Variants in FNIP2 observed in about 807,000 individuals in gnomAD.
The protein encoded by FNIP2 is folliculin interacting protein 2.
Under a neutral mutation model 108.7 loss-of-function variants are expected in FNIP2, and 32 were observed. That is an observed-to-expected ratio of 0.29 (90% CI 0.22 to 0.40). The LOEUF is 0.40. Ranked by LOEUF, FNIP2 falls within the 10% of genes least tolerant of loss-of-function variation. The probability of loss-of-function intolerance (pLI) is 1.00; values close to 1 mark genes in which losing one functional copy is unlikely to be tolerated. For missense variants in FNIP2, 1,202 were observed against 1,381.6 expected (o/e 0.87, Z 2.06); for synonymous variants, 480 against 496.7 (o/e 0.97, Z 0.45).
At chr4:158,882,806 C>A (rs951942040) in intron 14 of FNIP2, among the ~76,000 whole-genome samples, 1 of 152,114 alleles carries the variant, frequency 6.6e-6, no homozygotes, top group Admixed American at 6.5e-5. Flanking sequence ...CAGCATGCTC[C>A]TTAAGAGTCA....
At chr4:158,883,030 C>G (rs1031287238) in intron 14 of FNIP2, among the ~76,000 whole-genome samples, 1 of 150,770 alleles carries the variant, frequency 6.6e-6, no homozygotes, top group Non-Finnish European at 1.5e-5. Context: ...ATATATTACT[C>G]ATTTATTAAT....
chr4:158,882,401 A>T (rs1240663432), intron 14 of FNIP2, among the ~76,000 whole-genome samples: 2 of 138,826 alleles, frequency 1.4e-5, no homozygotes, highest in African/African-American at 5.5e-5. Context: ...CCGCCCGGCC[A>T]CCACCCCGTC....
chr4:158,822,948 TTTA>T (rs1304744821), intron 1 of FNIP2, among the ~76,000 whole-genome samples: 4 of 152,248 alleles, frequency 2.6e-5, no homozygotes, highest in African/African-American at 9.6e-5. Flanking sequence ...GTCCATGATT[TTTA>T]TTTCCATCCT....
At chr4:158,786,529 G>T (rs755761751) in intron 1 of FNIP2, among the ~76,000 whole-genome samples, 15 of 152,300 alleles carry the variant, frequency 9.8e-5, no homozygotes, top group Non-Finnish European at 1.9e-4. Context: ...GCTGCCAGAA[G>T]CTCATTCCTT....
At chr4:158,791,804 G>T (rs918176660) in intron 1 of FNIP2, among the ~76,000 whole-genome samples, 3 of 152,074 alleles carry the variant, frequency 2.0e-5, no homozygotes, top group African/African-American at 7.2e-5. Context: ...CAGTCTGAGG[G>T]TTATATACAT....
chr4:158,789,434 T>C (rs201859356), intron 1 of FNIP2, among the ~76,000 whole-genome samples: 2 of 152,218 alleles, frequency 1.3e-5, no homozygotes, highest in Non-Finnish European at 2.9e-5. Flanking sequence ...ATAATGGCTG[T>C]AAGTTAACCT....
chr4:158,858,335 A>G (rs1780103186), intron 8 of FNIP2, among the ~76,000 whole-genome samples: 1 of 152,228 alleles, frequency 6.6e-6, no homozygotes, highest in African/African-American at 2.4e-5. Flanking sequence ...GCTATTTGGT[A>G]GCTACACTGG....
At chr4:158,813,480 C>T (rs757213720) in intron 1 of FNIP2, among the ~76,000 whole-genome samples, 2 of 152,178 alleles carry the variant, frequency 1.3e-5, no homozygotes, top group Non-Finnish European at 2.9e-5. Flanking sequence ...TTTGTATTAT[C>T]GTTGGTGAGG....
intron 16 of FNIP2, among the ~76,000 whole-genome samples, chr4:158,904,011 A>G (rs1729595538): frequency 6.6e-6 from 1 of 152,212 alleles, no homozygotes; most frequent in South Asian, 2.1e-4. Flanking sequence ...ACAAATTCCC[A>G]ATGTTTTTTA....
At chr4:158,899,090 A>C (rs1782961619) in intron 16 of FNIP2, among the ~76,000 whole-genome samples, 1 of 152,122 alleles carries the variant, frequency 6.6e-6, no homozygotes. Flanking sequence ...TTCTGCATCT[A>C]TTGAGATGAG....
At chr4:158,882,462 GC>G (rs994661708) in intron 14 of FNIP2, among the ~76,000 whole-genome samples, 8 of 152,154 alleles carry the variant, frequency 5.3e-5, no homozygotes, top group African/African-American at 9.7e-5. Flanking sequence ...GGAGTGAGGA[GC>G]CCCTCTGCCT....
intron 15 of FNIP2, chr4:158,893,733 T>G: frequency 6.5e-7 from 1 of 1,550,372 alleles, no homozygotes; most frequent in South Asian, 1.2e-5. Flanking sequence ...AGAGAAGTAA[T>G]GTATATTAGA....
intron 14 of FNIP2, among the ~76,000 whole-genome samples, chr4:158,877,616 G>T (rs1265408752): frequency 1.3e-4 from 20 of 152,210 alleles, no homozygotes. Flanking sequence ...AATCTCCAGT[G>T]GTGGCACTTC....
In FNIP2 at chr4:158,792,697, A is replaced by C. The variant is rs1459398104; in HGVS notation, c.107+23378A>C. ...TAACCCTTTATTTCCCCCTAGAAGC[A>C]GTGGTTCGGTATTCACTAATTCAGT... On this transcript the variant is annotated intron_variant, in intron 1 of 16. Transcript: ENST00000264433. Among the ~76,000 whole-genome samples, 10 of 152,198 alleles carry C rather than the reference A, an allele frequency of 6.6e-5. No individual in the cohort carries two copies. The East Asian group carries it at 1.9e-3, about 29-fold the overall frequency.
At chr4:158,843,542 A>G (rs575870293) in intron 7 of FNIP2, among the ~76,000 whole-genome samples, 2 of 152,356 alleles carry the variant, frequency 1.3e-5, no homozygotes, top group East Asian at 1.9e-4. Context: ...AATAGACAAT[A>G]AAATGTAGGC....
At chr4:158,902,681 C>A (rs1729437808) in intron 16 of FNIP2, among the ~76,000 whole-genome samples, 1 of 152,210 alleles carries the variant, frequency 6.6e-6, no homozygotes, top group South Asian at 2.1e-4. Context: ...AGATGCCCTG[C>A]CCAGAGAGGA....
intron 1 of FNIP2, among the ~76,000 whole-genome samples, chr4:158,783,903 C>T (rs1342323236): frequency 1.3e-5 from 2 of 152,064 alleles, no homozygotes; most frequent in African/African-American, 4.8e-5. Context: ...GGGACCTAAC[C>T]GGTATGGATG....
intron 1 of FNIP2, among the ~76,000 whole-genome samples, chr4:158,778,526 A>G (rs545966322): frequency 1.3e-3 from 200 of 152,306 alleles, no homozygotes; most frequent in Middle Eastern, 6.8e-3. Context: ...CATCTCAAGG[A>G]GAAGGAGGGT....
rs766116457 is a variant in FNIP2 at position 158,831,886 on chromosome 4, A to G, written c.407A>G (p.Asn136Ser). ...TACACAAGACCAGCTTCCGATGTCA[A>G]CATGTTAGGGGAAATGATGTTTGGC... ...YQYTRPASDV[N>S]MLGEMMFGSV... is the part of the protein sequence containing the mutation. The change falls in exon 4 of 17, where the codon AAC becomes AGC. Residue 136 changes from asparagine to serine, a missense_variant. Physicochemically the swap from Asn to Ser is conservative, Grantham distance 46 (BLOSUM62 1). Around this residue, in one of 5 missense-constraint regions of FNIP2, gnomAD observed 173 missense variants for 165.9 expected, o/e 1.04. Transcript: ENST00000264433. The G allele has an allele frequency of 2.5e-6, 4 of 1,612,064 alleles. No individual in the cohort carries two copies. The highest frequency in any genetic ancestry group is 3.4e-6 in the Non-Finnish European group (4 of 1,178,992).
Sources: gnomAD v4.1 joint callset for allele counts (sites outside exome capture counted in the v4.1 genomes callset) on GRCh38, gnomAD v4.1.1 for gene constraint, gnomAD v4.1.1 regional missense constraint, MANE v1.5 for transcripts, NCBI Gene and HGNC (gene_info 2026-07-23, HGNC 2026-07-21) for gene names.